PWWP2A: variants seen among roughly 807,000 people sequenced by gnomAD.
PWWP2A encodes PWWP domain-containing protein 2A.
Under a neutral mutation model 48.5 loss-of-function variants are expected in PWWP2A, and 18 were observed. The observed-to-expected ratio is 0.37, with a 90% CI of 0.26 to 0.55. PWWP2A has a LOEUF of 0.55. PWWP2A is among the 20% of genes least tolerant of loss of function. PWWP2A has a pLI of 0.81. For synonymous variants in PWWP2A, 396 were observed against 387.7 expected (o/e 1.02, Z -0.25); for missense variants, 867 against 976.4 (o/e 0.89, Z 1.49).
chr5:160,077,001 A>G lies in PWWP2A; in HGVS notation c.*1154T>C, dbSNP rs1021894300. The G allele has an allele frequency of 3.9e-5, 6 of 152,210 alleles. No homozygotes were observed. The highest frequency in any genetic ancestry group is 1.4e-4 in the African/African-American group (6 of 41,452). 9.4% of individuals were successfully genotyped at this position (152,210 alleles called of 1,614,324 possible). A position where few individuals can be genotyped will look rare whatever the true frequency, so the allele number is the denominator to read the frequency against. On this transcript the variant is annotated 3_prime_UTR_variant, in exon 4 of 4. Coordinates refer to the PWWP2A transcript ENST00000456329. This position sits in a 1 kb window ranked among gnomAD's most constrained non-coding sequence, Gnocchi z 4.2. Reference sequence around the variant, plus strand: ...TAAAATGCCTTAAAAATGTAGTACTAACAGGTCCATCTGGTTTTCTCATGT... The same window carrying G: ...TAAAATGCCTTAAAAATGTAGTACTGACAGGTCCATCTGGTTTTCTCATGT...
At chr5:160,047,912 AT>A in the PWWP2A span, among the ~76,000 whole-genome samples, 3 of 152,098 alleles carry the variant, frequency 2.0e-5, no homozygotes, top group African/African-American at 7.2e-5. Context: ...TACTATGGCT[AT>A]TGAAATTATA....
intron 2 of PWWP2A, among the ~76,000 whole-genome samples, chr5:160,069,386 T>A (rs1753690112): frequency 6.6e-6 from 1 of 152,190 alleles, no homozygotes; most frequent in South Asian, 2.1e-4. Flanking sequence ...CAGTAACTTA[T>A]CTGTGACTTA....
In PWWP2A at chr5:160,094,023, C is replaced by T; in HGVS notation, c.627G>A (p.Arg209=). Reference sequence around the variant, plus strand: ...TGGCTTCTGGTTTATCCTTATATTCCCTTTTGGGAAATACTGTCACAGGGA... The same window carrying T: ...TGGCTTCTGGTTTATCCTTATATTCTCTTTTGGGAAATACTGTCACAGGGA... ...HGIPVTVFPK[R]EYKDKPEAMP... is the part of the protein sequence containing the mutation. The change falls in exon 2 of 2, where the codon AGG becomes AGA. Residue 209 remains arginine (R), a synonymous_variant. Transcript: ENST00000307063. 1 of 1,613,750 alleles carries T rather than the reference C, an allele frequency of 6.2e-7. No homozygotes were observed. Among genetic ancestry groups the T allele is most frequent in the Non-Finnish European group, 8.5e-7 (1 of 1,179,708 alleles).
chr5:160,087,189 G>A (rs559759750), downstream of PWWP2A, among the ~76,000 whole-genome samples: 3 of 152,112 alleles, frequency 2.0e-5, no homozygotes, highest in African/African-American at 7.2e-5. Context: ...TAGCAGCCTG[G>A]GCAACAAAGG....
chr5:160,055,511 T>C, the PWWP2A span, among the ~76,000 whole-genome samples: 1 of 152,366 alleles, frequency 6.6e-6, no homozygotes, highest in Non-Finnish European at 1.5e-5. Context: ...CTTTTGGAGC[T>C]GCATCTCAGA....
chr5:160,109,026 C>A (rs1434993246), intron 1 of PWWP2A, among the ~76,000 whole-genome samples: 4 of 152,148 alleles, frequency 2.6e-5, no homozygotes, highest in Admixed American at 1.3e-4. Context: ...CTCTGTCACC[C>A]AGGCTGGAGT....
At chr5:160,054,001 CAGA>C in the PWWP2A span, among the ~76,000 whole-genome samples, 1 of 152,192 alleles carries the variant, frequency 6.6e-6, no homozygotes, top group Non-Finnish European at 1.5e-5. Context: ...TTGCTGATCA[CAGA>C]AGATGATCGT....
the PWWP2A span, among the ~76,000 whole-genome samples, chr5:160,056,325 C>G: frequency 6.6e-6 from 1 of 152,168 alleles, no homozygotes; most frequent in African/African-American, 2.4e-5. Context: ...GAACATATTC[C>G]TGGTGTCCTG....
chr5:160,096,349 GC>G (rs1755648744), intron 1 of PWWP2A, among the ~76,000 whole-genome samples: 1 of 152,134 alleles, frequency 6.6e-6, no homozygotes, highest in Non-Finnish European at 1.5e-5. Flanking sequence ...CCAAGTGTTT[GC>G]TTCCTGACTA....
chr5:160,065,023 G>A (rs534362668), intron 4 of PWWP2A: 40 of 1,613,494 alleles, frequency 2.5e-5, no homozygotes, highest in South Asian at 6.6e-5. Flanking sequence ...CTACCGGCTC[G>A]TACTCCATCA....
intron 1 of PWWP2A, among the ~76,000 whole-genome samples, chr5:160,109,778 T>TATATATATATATATAAAATAATATAATA (rs1757310432): frequency 4.5e-5 from 2 of 44,056 alleles, no homozygotes; most frequent in African/African-American, 1.5e-4. Flanking sequence ...AAAAAAAATA[T>TATATATATATATATAAAATAATATAATA]ATATATATAT....
downstream of PWWP2A, among the ~76,000 whole-genome samples, chr5:160,071,102 T>G (rs754740397): frequency 2.6e-5 from 4 of 152,028 alleles, no homozygotes; most frequent in Admixed American, 6.5e-5. Flanking sequence ...GGTGGGAGGA[T>G]CACCAGAGCC....
intron 5 of PWWP2A, among the ~76,000 whole-genome samples, chr5:160,062,817 TC>T (rs373858265): frequency 6.6e-6 from 1 of 151,320 alleles, no homozygotes; most frequent in African/African-American, 2.4e-5. Context: ...GTTTTTTTTT[TC>T]CCCCTTCCTG....
At chr5:160,098,044 G>A (rs1046420895) in intron 1 of PWWP2A, among the ~76,000 whole-genome samples, 2 of 152,086 alleles carry the variant, frequency 1.3e-5, no homozygotes, top group Non-Finnish European at 2.9e-5. Context: ...TCCTTCCCAT[G>A]TCTTTAATTT....
intron 2 of PWWP2A, among the ~76,000 whole-genome samples, chr5:160,080,951 C>T (rs1386541005): frequency 6.6e-6 from 1 of 152,192 alleles, no homozygotes; most frequent in Non-Finnish European, 1.5e-5. Flanking sequence ...TGAAAACAGA[C>T]TTGAGAGCTG....
chr5:160,067,558 T>TAA (rs1753644729), intron 2 of PWWP2A, among the ~76,000 whole-genome samples: 1 of 152,066 alleles, frequency 6.6e-6, no homozygotes, highest in Non-Finnish European at 1.5e-5. Context: ...TGTAGAGGTT[T>TAA]TGTTTCTTAG....
intron 1 of PWWP2A, among the ~76,000 whole-genome samples, chr5:160,114,907 G>A (rs937267344): frequency 4.6e-5 from 7 of 151,918 alleles, no homozygotes; most frequent in African/African-American, 7.3e-5. Flanking sequence ...CTGGGAGGCC[G>A]AGGCGGATCA....
chr5:160,057,514 C>T (rs1392441305), downstream of PWWP2A, among the ~76,000 whole-genome samples: 1 of 152,160 alleles, frequency 6.6e-6, no homozygotes, highest in African/African-American at 2.4e-5. The surrounding 1 kb of genome is among the most constrained non-coding windows in gnomAD (Gnocchi z 4.4). Context: ...GAGGGCCTTG[C>T]CTCCACGTGG....
chr5:160,051,310 G>A, the PWWP2A span: 2 of 692,284 alleles, frequency 2.9e-6, no homozygotes, highest in Non-Finnish European at 4.6e-6. Context: ...ACTGACTTCT[G>A]AGTTATTTTG....
Sources: gnomAD v4.1 joint callset for allele counts (sites outside exome capture counted in the v4.1 genomes callset) on GRCh38, gnomAD v4.1.1 for gene constraint, Gnocchi (gnomAD v3.1) non-coding constraint, MANE v1.5 for transcripts, NCBI Gene and HGNC (gene_info 2026-07-23, HGNC 2026-07-21) for gene names.